SYT9: variants seen among roughly 807,000 people sequenced by gnomAD.
SYT9 encodes the protein synaptotagmin 9.
Under a neutral mutation model 48.4 loss-of-function variants are expected in SYT9, and 22 were observed. The observed-to-expected ratio is 0.45, with a 90% CI of 0.32 to 0.65. SYT9 has a LOEUF of 0.65. SYT9 is among the 30% of genes least tolerant of loss of function. The pLI, the probability that SYT9 is intolerant of heterozygous loss-of-function variation, is 0.03. For missense variants in SYT9, 577 were observed against 622.0 expected (o/e 0.93, Z 0.77); for synonymous variants, 265 against 245.0 (o/e 1.08, Z -0.76).
chr11:7,385,916 G>A (rs1052362948), intron 3 of SYT9, among the ~76,000 whole-genome samples: 2 of 152,232 alleles, frequency 1.3e-5, no homozygotes, highest in South Asian at 4.2e-4. Context: ...TGTCAAGTTG[G>A]AATCTGACCG....
chr11:7,462,172 C>T (rs1848248753), intron 6 of SYT9, among the ~76,000 whole-genome samples: 1 of 152,218 alleles, frequency 6.6e-6, no homozygotes, highest in Admixed American at 6.5e-5. Context: ...TCCATAAAAG[C>T]ATGGTGGCAG....
At chr11:7,275,544 A>G (rs541784911) in intron 1 of SYT9, among the ~76,000 whole-genome samples, 13 of 152,122 alleles carry the variant, frequency 8.5e-5, no homozygotes, top group African/African-American at 2.6e-4. Context: ...TTTTTATATT[A>G]CTGTGACCCA....
chr11:7,403,805 G>A (rs1050058627), intron 3 of SYT9, among the ~76,000 whole-genome samples: 25 of 151,920 alleles, frequency 1.6e-4, no homozygotes, highest in Non-Finnish European at 1.0e-4. Flanking sequence ...TTTGGTAAAC[G>A]GCTCTTTATA....
intron 3 of SYT9, among the ~76,000 whole-genome samples, chr11:7,323,911 A>G (rs1026280208): frequency 2.6e-5 from 4 of 151,720 alleles, no homozygotes; most frequent in African/African-American, 9.7e-5. Flanking sequence ...CTTAATCTGC[A>G]TTTTATTATT....
At chr11:7,357,214 G>A (rs1163057936) in intron 3 of SYT9, among the ~76,000 whole-genome samples, 2 of 152,000 alleles carry the variant, frequency 1.3e-5, no homozygotes, top group African/African-American at 2.4e-5. Flanking sequence ...ACCTACCGAA[G>A]GATTTTTAGG....
At chr11:7,275,100 T>C (rs1219382428) in intron 1 of SYT9, among the ~76,000 whole-genome samples, 1 of 152,016 alleles carries the variant, frequency 6.6e-6, no homozygotes, top group Non-Finnish European at 1.5e-5. Flanking sequence ...CAGAGCCAGC[T>C]AGCAGAGTGT....
At chr11:7,287,382 A>G (rs900228666) in intron 1 of SYT9, among the ~76,000 whole-genome samples, 4 of 152,248 alleles carry the variant, frequency 2.6e-5, no homozygotes, top group African/African-American at 9.6e-5. Flanking sequence ...CTACAATTCA[A>G]CATAAGATTT....
intron 6 of SYT9, among the ~76,000 whole-genome samples, chr11:7,458,451 A>G (rs1848187796): frequency 6.6e-6 from 1 of 152,104 alleles, no homozygotes. Flanking sequence ...ACTGCACTCC[A>G]GCCTGGGCAA....
intron 3 of SYT9, chr11:7,314,174 T>C: frequency 3.0e-6 from 2 of 664,586 alleles, no homozygotes; most frequent in Non-Finnish European, 2.7e-6. Context: ...TTCTCTCTTT[T>C]CTACTTTCAG....
At chr11:7,463,958 C>T (rs1848281606) in intron 6 of SYT9, among the ~76,000 whole-genome samples, 1 of 152,018 alleles carries the variant, frequency 6.6e-6, no homozygotes, top group Non-Finnish European at 1.5e-5. Flanking sequence ...TAGTGGTATC[C>T]CTGGGTATGG....
In SYT9 at chr11:7,359,789, C is replaced by T. The variant is rs1269844898; in HGVS notation, c.1044+45848C>T. ...TGAGTAGGTTGCGAAAATTTTCTCC[C>T]ATTTTGTAGGTTGCCTGTTCACTCT... On this transcript the variant is annotated intron_variant, in intron 3 of 6. Coordinates refer to ENST00000318881, the MANE Select transcript of SYT9 (RefSeq NM_175733.4). 1.2e-4 allele frequency among the ~76,000 whole-genome samples: 18 copies of T among 146,406 alleles called. No individual in the cohort carries two copies. The East Asian group carries it at 3.2e-3, about 26-fold the overall frequency.
intron 3 of SYT9, 30 bp downstream of exon 3, chr11:7,313,971 T>C (rs1554904946): frequency 3.7e-5 from 58 of 1,588,242 alleles, no homozygotes; most frequent in Non-Finnish European, 4.8e-5. Context: ...ATTTTTGTGG[T>C]GGGGGGCATC....
intron 1 of SYT9, among the ~76,000 whole-genome samples, chr11:7,271,817 C>T (rs1169587397): frequency 6.6e-6 from 1 of 152,158 alleles, no homozygotes; most frequent in Non-Finnish European, 1.5e-5. Flanking sequence ...ACCTCATGAT[C>T]TGCCCGCCTC....
rs930466473 is a variant in SYT9 at position 7,294,959 on chromosome 11, C to T, written c.146-8080C>T. On this transcript the variant is annotated intron_variant, in intron 1 of 6. Transcript: ENST00000318881. ...AAATCCAAATCTGACAGCCTTCCTTCGTTCCTTCTCTTTTCCTTCCCCTTT... is the reference window on the plus strand; with the variant it reads ...AAATCCAAATCTGACAGCCTTCCTTTGTTCCTTCTCTTTTCCTTCCCCTTT... Among the ~76,000 whole-genome samples, 6 of 152,180 alleles carry T rather than the reference C, an allele frequency of 3.9e-5. No individual in the cohort carries two copies. In the South Asian group the frequency reaches 6.2e-4, roughly 16 times the overall value.
At chr11:7,436,140 G>A (rs1847704397) in intron 6 of SYT9, among the ~76,000 whole-genome samples, 1 of 152,234 alleles carries the variant, frequency 6.6e-6, no homozygotes, top group African/African-American at 2.4e-5. Context: ...TTTAAGGACT[G>A]AGCCCTTCCA....
In SYT9 at chr11:7,252,853, G is replaced by A. The variant is rs1847899925; in HGVS notation, c.145+522G>A. On this transcript the variant is annotated intron_variant, in intron 1 of 6. Coordinates refer to ENST00000318881, the MANE Select transcript of SYT9 (RefSeq NM_175733.4). This position sits in a 1 kb window ranked among gnomAD's most constrained non-coding sequence, Gnocchi z 6.3. ...GGGTGAGAAGGGCGGGACGCGATCC[G>A]GCGTTGGGCCGGGGACAGGGTGCTT... is the stretch of plus-strand genomic sequence containing the variant. Among the ~76,000 whole-genome samples the A allele has an allele frequency of 6.6e-6, 1 of 152,234 alleles. No individual in the cohort carries two copies. Among genetic ancestry groups the A allele is most frequent in the Non-Finnish European group, 1.5e-5 (1 of 68,046 alleles).
At chr11:7,422,043 C>T (rs536353495) in intron 6 of SYT9, among the ~76,000 whole-genome samples, 9 of 152,316 alleles carry the variant, frequency 5.9e-5, no homozygotes, top group African/African-American at 2.2e-4. Flanking sequence ...AGGCAGAGAG[C>T]TTTCCTCTGT....
intron 6 of SYT9, among the ~76,000 whole-genome samples, chr11:7,423,995 A>G (rs1381662021): frequency 2.0e-5 from 3 of 152,096 alleles, no homozygotes; most frequent in African/African-American, 7.2e-5. Flanking sequence ...TGGAAGACAG[A>G]GAGAGAGGGA....
intron 3 of SYT9, among the ~76,000 whole-genome samples, chr11:7,349,763 G>A (rs1253657159): frequency 6.6e-6 from 1 of 152,182 alleles, no homozygotes; most frequent in Admixed American, 6.5e-5. Flanking sequence ...GTATAGAAGG[G>A]TTCATTACTC....
Sources: gnomAD v4.1 joint callset for allele counts (sites outside exome capture counted in the v4.1 genomes callset) on GRCh38, gnomAD v4.1.1 for gene constraint, Gnocchi (gnomAD v3.1) non-coding constraint, MANE v1.5 for transcripts, NCBI Gene and HGNC (gene_info 2026-07-23, HGNC 2026-07-21) for gene names.